Variants in RIF1 observed in about 807,000 individuals in gnomAD.
RIF1 encodes the protein replication timing regulatory factor 1.
RIF1 carries 45 observed loss-of-function variants against 247.1 expected under a neutral mutation model. The ratio of observed to expected loss-of-function variants is 0.18; its 90% CI spans 0.14 to 0.23. RIF1 has a LOEUF of 0.23. RIF1 is among the 10% of genes least tolerant of loss of function. RIF1 has a pLI of 1.00. For missense variants in RIF1, 2,967 were observed against 2,862.5 expected (o/e 1.04, Z -0.83); for synonymous variants, 1,087 against 978.8 (o/e 1.11, Z -2.06).
chr2:151,417,613 A>G (rs565620217), intron 6 of RIF1, among the ~76,000 whole-genome samples: 1 of 152,306 alleles, frequency 6.6e-6, no homozygotes, highest in African/African-American at 2.4e-5. Flanking sequence ...TTTTCTTGTC[A>G]TTATTTCCTA....
At chr2:151,527,126 A>C in the RIF1 span, 1 of 721,208 alleles carries the variant, frequency 1.4e-6, no homozygotes, top group Non-Finnish European at 2.3e-6. Context: ...GAGGACAAAG[A>C]CTTGCTACCA....
At chr2:151,458,770 C>G in intron 24 of RIF1, 41 bp from the exon 25 acceptor site, 1 of 1,153,408 alleles carries the variant, frequency 8.7e-7, no homozygotes, top group Non-Finnish European at 1.3e-6. Context: ...TTCACCAGTA[C>G]TACTTGACTT....
chr2:151,452,045 T>C (rs942994522), intron 21 of RIF1, among the ~76,000 whole-genome samples: 1 of 152,188 alleles, frequency 6.6e-6, no homozygotes, highest in Non-Finnish European at 1.5e-5. Context: ...GACAAGAAAC[T>C]TAGACATAAC....
intron 10 of RIF1, chr2:151,499,220 T>G (rs1019441861): frequency 1.3e-6 from 1 of 756,882 alleles, no homozygotes; most frequent in African/African-American, 1.8e-5. Flanking sequence ...GATGAGTTGA[T>G]TAGATTTTTA....
intron 9 of RIF1, among the ~76,000 whole-genome samples, chr2:151,431,742 C>T (rs907141013): frequency 1.3e-5 from 2 of 152,070 alleles, no homozygotes; most frequent in African/African-American, 4.8e-5. Context: ...CATGCCATTG[C>T]ACTCCAGCCT....
At chr2:151,486,176 C>T (rs1013905021), downstream of RIF1, 14 of 447,020 alleles carry the variant, frequency 3.1e-5, no homozygotes, top group African/African-American at 2.0e-4. Context: ...CTTCCCCCAC[C>T]AAAAGAGGCA....
intron 13 of RIF1, 22 bp downstream of exon 13, chr2:151,437,373 T>C (rs750045345): frequency 1.3e-6 from 2 of 1,548,392 alleles, no homozygotes; most frequent in African/African-American, 2.7e-5. Flanking sequence ...TGATTTATTA[T>C]TTGCTCAAAT....
downstream of RIF1, among the ~76,000 whole-genome samples, chr2:151,511,746 A>C (rs997956152): frequency 6.6e-6 from 1 of 152,090 alleles, no homozygotes; most frequent in African/African-American, 2.4e-5. Flanking sequence ...TCATCTCTCT[A>C]TTTGTAGGAA....
At chr2:151,500,593 CTTTTTTTTT>C (rs11428843) in intron 11 of RIF1, among the ~76,000 whole-genome samples, 2 of 118,458 alleles carry the variant, frequency 1.7e-5, no homozygotes, top group East Asian at 5.0e-4. Flanking sequence ...TTCTTTCTTC[CTTTTTTTTT>C]TTTTTTTTTT....
chr2:151,502,029 G>T (rs762428980), intron 11 of RIF1, among the ~76,000 whole-genome samples: 1 of 152,198 alleles, frequency 6.6e-6, no homozygotes, highest in Non-Finnish European at 1.5e-5. Context: ...GAATGAAAAT[G>T]TTTAAGAATG....
the RIF1 span, chr2:151,516,444 G>GTT: frequency 1.9e-5 from 29 of 1,567,456 alleles, no homozygotes; most frequent in African/African-American, 2.6e-4. Context: ...GTGTGGTGTG[G>GTT]TTTTTTTGAC....
intron 6 of RIF1, among the ~76,000 whole-genome samples, chr2:151,417,497 A>G (rs189001191): frequency 2.0e-5 from 3 of 152,318 alleles, no homozygotes; most frequent in Non-Finnish European, 4.4e-5. Flanking sequence ...TATAACAATA[A>G]GTAATACAGT....
rs368323406 is a variant in RIF1, at chr2:151,416,924, A to G, written c.503+23A>G. 1.4e-5 allele frequency: 22 copies of G among 1,549,458 alleles called. No homozygotes were observed. In the African/African-American group the frequency reaches 2.9e-4, roughly 20 times the overall value. ...AAGGTATGCATTTGGATGTTGTGCA[A>G]ATTGAAGAATAGTTTTCATAAATTT... On this transcript the variant is annotated intron_variant, in intron 6 of 35. Coordinates refer to ENST00000444746, the MANE Select transcript of RIF1 (RefSeq NM_018151.5).
At chr2:151,482,582 G>A (rs116150823), downstream of RIF1, among the ~76,000 whole-genome samples, 445 of 152,212 alleles carry the variant, frequency 2.9e-3, 3 homozygotes, top group African/African-American at 0.01. Flanking sequence ...TGAAGTAAAT[G>A]CCTCACCCCA....
Position 151,435,520 on chromosome 2 carries a change from G to T in RIF1, c.1135G>T (p.Gly379Cys), listed in dbSNP as rs1362666142. The T allele has an allele frequency of 4.3e-6, 7 of 1,613,084 alleles. No individual in the cohort carries two copies. The highest frequency in any genetic ancestry group is 5.9e-6 in the Non-Finnish European group (7 of 1,179,256). The change falls in exon 11 of 36, where the codon GGC becomes TGC. Residue 379 changes from glycine (G) to cysteine (C), a missense_variant. Coordinates refer to ENST00000444746, the MANE Select transcript of RIF1 (RefSeq NM_018151.5). ...CATTGATTCTAATGCCTCACCTCAG[G>T]GCAATTCGTGTCATGTAGCTACATC... ...ISIDSNASPQ[G>C]NSCHVATSPG...
At chr2:151,424,125 C>T (rs556822838) in intron 8 of RIF1, among the ~76,000 whole-genome samples, 2 of 152,276 alleles carry the variant, frequency 1.3e-5, no homozygotes, top group South Asian at 2.1e-4. Context: ...TTCTCTGAGA[C>T]GGAGTTTCGC....
At chr2:151,437,158 T>C (rs2152342683) in intron 12 of RIF1, 83 bp from the exon 13 acceptor site, 1 of 1,249,464 alleles carries the variant, frequency 8.0e-7, no homozygotes, top group East Asian at 2.4e-5. Context: ...ACCTACTTAA[T>C]AGACATTTTA....
At chr2:151,491,959 A>C in intron 9 of RIF1, 1 of 1,045,156 alleles carries the variant, frequency 9.6e-7, no homozygotes, top group Non-Finnish European at 1.4e-6. Flanking sequence ...GTAAACTATG[A>C]GATAATAGGA....
At chr2:151,494,254 C>G in intron 9 of RIF1, 1 of 1,587,400 alleles carries the variant, frequency 6.3e-7, no homozygotes, top group Non-Finnish European at 8.6e-7. Context: ...TGTACAAAAC[C>G]TATGGGAATC....
Sources: allele counts gnomAD v4.1 joint callset (sites outside exome capture counted in the v4.1 genomes callset), GRCh38; gene constraint gnomAD v4.1.1; transcripts MANE v1.5; gene names NCBI Gene and HGNC (gene_info 2026-07-23, HGNC 2026-07-21).